ITGA8: variants seen among roughly 807,000 people sequenced by gnomAD.
ITGA8 encodes integrin alpha-8.
ITGA8 carries 91 observed loss-of-function variants against 142.3 expected under a neutral mutation model. That is an observed-to-expected ratio of 0.64 (90% CI 0.54 to 0.76). ITGA8 has a LOEUF of 0.76. Among genes scored for constraint, ITGA8 ranks in the 30% least tolerant of loss-of-function variants. The probability of loss-of-function intolerance (pLI) is 0.00; values close to 1 mark genes in which losing one functional copy is unlikely to be tolerated. For synonymous variants in ITGA8, 505 were observed against 485.2 expected, an observed-to-expected ratio of 1.04 and a Z score of -0.54; for missense variants, 1,406 against 1,327.7, an observed-to-expected ratio of 1.06 and a Z score of -0.92.
At chr10:15,561,573 T>G (rs1833982105) in intron 25 of ITGA8, among the ~76,000 whole-genome samples, 1 of 152,096 alleles carries the variant, frequency 6.6e-6, no homozygotes, top group Admixed American at 6.5e-5. Flanking sequence ...TTACTGTTTG[T>G]TTTGAAGATG....
At chr10:15,659,092 C>T (rs201671444) in intron 9 of ITGA8, 37 bp from the exon 10 acceptor site, 7 of 1,451,360 alleles carry the variant, frequency 4.8e-6, no homozygotes, top group Non-Finnish European at 6.6e-6. Flanking sequence ...ACACCATTTG[C>T]CATAGAATTG....
chr10:15,563,866 A>G (rs2353414), intron 25 of ITGA8, among the ~76,000 whole-genome samples: 57,937 of 151,640 alleles, frequency 0.38, 11,493 homozygotes, highest in African/African-American at 0.48. Context: ...GCCATGAGCC[A>G]AGATAGTGCC....
At chr10:15,584,652 G>A (rs1023240112) in intron 23 of ITGA8, among the ~76,000 whole-genome samples, 2 of 152,154 alleles carry the variant, frequency 1.3e-5, no homozygotes, top group African/African-American at 4.8e-5. Flanking sequence ...ATCCTCTGCT[G>A]ACATTCTTCC....
At chr10:15,662,326 CTTTTTT>C (rs200922550) in intron 8 of ITGA8, among the ~76,000 whole-genome samples, 7 of 72,716 alleles carry the variant, frequency 9.6e-5, no homozygotes, top group Admixed American at 1.8e-4. Context: ...TCAGAAGGTC[CTTTTTT>C]TTTTTTTTTT....
intron 27 of ITGA8, among the ~76,000 whole-genome samples, chr10:15,536,895 T>G (rs766619859): frequency 4.0e-4 from 61 of 152,306 alleles, no homozygotes; most frequent in Non-Finnish European, 6.8e-4. Flanking sequence ...CACTCCCAAC[T>G]TCCAGCTGCT....
At chr10:15,612,710 C>T (rs550758914) in intron 15 of ITGA8, among the ~76,000 whole-genome samples, 1 of 152,326 alleles carries the variant, frequency 6.6e-6, no homozygotes, top group African/African-American at 2.4e-5. Flanking sequence ...ATAATTCAAT[C>T]GCTATTCTTA....
chr10:15,569,419 A>T (rs565704364), intron 25 of ITGA8, among the ~76,000 whole-genome samples: 1 of 152,188 alleles, frequency 6.6e-6, no homozygotes, highest in South Asian at 2.1e-4. Flanking sequence ...CTTGTAAAGA[A>T]ACTGTAGAAC....
intron 11 of ITGA8, among the ~76,000 whole-genome samples, chr10:15,648,769 G>T (rs1052658368): frequency 2.0e-5 from 3 of 152,100 alleles, no homozygotes; most frequent in Admixed American, 6.6e-5. Context: ...GCCTTGTGGT[G>T]TTTATCTATT....
intron 12 of ITGA8, among the ~76,000 whole-genome samples, chr10:15,644,470 AT>A (rs1564388891): frequency 0.016 from 277 of 17,692 alleles, 23 homozygotes; most frequent in Non-Finnish European, 0.037. Flanking sequence ...ATATATATAT[AT>A]ATATATATAT....
intron 11 of ITGA8, among the ~76,000 whole-genome samples, chr10:15,650,721 CT>C (rs921131221): frequency 8.6e-5 from 13 of 151,602 alleles, no homozygotes; most frequent in African/African-American, 3.1e-4. Flanking sequence ...TTTTCTGTTT[CT>C]TTTTTTTTCC....
intron 13 of ITGA8, among the ~76,000 whole-genome samples, chr10:15,623,372 C>T (rs1833527773): frequency 6.6e-6 from 1 of 152,056 alleles, no homozygotes; most frequent in East Asian, 1.9e-4. Flanking sequence ...TTTTTATTCT[C>T]TCCTTAAGCC....
intron 13 of ITGA8, among the ~76,000 whole-genome samples, chr10:15,638,913 G>T (rs1833819504): frequency 6.6e-6 from 1 of 152,026 alleles, no homozygotes; most frequent in East Asian, 1.9e-4. Context: ...GATCGCTTGA[G>T]GCCAGGAGTT....
At chr10:15,569,388 C>T (rs1390266426) in intron 25 of ITGA8, among the ~76,000 whole-genome samples, 1 of 152,100 alleles carries the variant, frequency 6.6e-6, no homozygotes, top group African/African-American at 2.4e-5. Context: ...TTATGAGGCA[C>T]TTACTATCTA....
intron 28 of ITGA8, 78 bp downstream of exon 28, chr10:15,530,972 C>G (rs1833278089): frequency 3.4e-6 from 3 of 879,888 alleles, no homozygotes; most frequent in Non-Finnish European, 5.3e-6. Context: ...ACACTAAAGC[C>G]TAGCACAAGC....
intron 10 of ITGA8, 37 bp from the exon 11 acceptor site, chr10:15,655,443 A>C (rs750487352): frequency 6.9e-7 from 1 of 1,452,030 alleles, no homozygotes; most frequent in Non-Finnish European, 9.7e-7. Context: ...TTTTGTGTCC[A>C]AAAAGTCATT....
intron 28 of ITGA8, among the ~76,000 whole-genome samples, chr10:15,529,406 GT>G (rs1467141084): frequency 6.6e-6 from 1 of 152,206 alleles, no homozygotes; most frequent in Non-Finnish European, 1.5e-5. Context: ...GAGAGGTAAA[GT>G]GACTTCCCAA....
intron 2 of ITGA8, among the ~76,000 whole-genome samples, chr10:15,718,559 T>C (rs1564423349): frequency 6.6e-6 from 1 of 152,122 alleles, no homozygotes; most frequent in African/African-American, 2.4e-5. Flanking sequence ...CAAAATAGTG[T>C]CCTTTCTCTA....
Position 15,517,146 on chromosome 10 carries a change from T to C in ITGA8, c.*12A>G. The C allele has an allele frequency of 2.5e-6, 4 of 1,601,064 alleles. No individual in the cohort carries two copies. The highest frequency in any genetic ancestry group is 1.1e-5 in the South Asian group (1 of 90,210). ...CAGTGTTTGAGGTCTTTGGTCTTCT[T>C]TTTTTTTCTTGTCATGCCTCAGGGG... On this transcript the variant is annotated 3_prime_UTR_variant, in exon 30 of 30. Transcript: ENST00000378076.
chr10:15,667,939 C>A (rs1307849871), intron 8 of ITGA8, among the ~76,000 whole-genome samples: 8 of 152,030 alleles, frequency 5.3e-5, no homozygotes. Flanking sequence ...TTACTTCCAA[C>A]TATGTGGTCA....
Sources: gnomAD v4.1 joint callset for allele counts (sites outside exome capture counted in the v4.1 genomes callset) on GRCh38, gnomAD v4.1.1 for gene constraint, MANE v1.5 for transcripts, NCBI Gene and HGNC (gene_info 2026-07-23, HGNC 2026-07-21) for gene names.